Variants in OGDHL observed in about 807,000 individuals in gnomAD.
OGDHL encodes the protein oxoglutarate dehydrogenase L, also known as 2-oxoglutarate dehydrogenase-like, mitochondrial.
A neutral mutation model predicts 109.6 loss-of-function variants in OGDHL; 79 were observed. That is an observed-to-expected ratio of 0.72 (90% CI 0.60 to 0.87). OGDHL has a LOEUF of 0.87. Among genes scored for constraint, OGDHL ranks in the 40% least tolerant of loss-of-function variants. The pLI is 0.00. For synonymous variants in OGDHL, 528 were observed against 537.2 expected (o/e 0.98, Z 0.24); for missense variants, 1,275 against 1,362.2 (o/e 0.94, Z 1.01).
At chr10:49,754,054 A>C (rs1369145700) in intron 3 of OGDHL, among the ~76,000 whole-genome samples, 1 of 152,156 alleles carries the variant, frequency 6.6e-6, no homozygotes, top group Non-Finnish European at 1.5e-5. Flanking sequence ...CAAACCCCAA[A>C]TCCCACATTT....
Position 49,752,756 on chromosome 10 carries a change from A to C in OGDHL, c.376-16T>G. The C allele has an allele frequency of 6.2e-7, 1 of 1,600,818 alleles. No homozygotes were observed. Among genetic ancestry groups the C allele is most frequent in the Non-Finnish European group, 8.6e-7 (1 of 1,168,522 alleles). ...GACCCCGGATCTGGGAGGAGGGAAA[A>C]GAGCAGGGTGGGGCTGGGACCCAGC... is the stretch of plus-strand genomic sequence containing the variant. On this transcript the variant is annotated splice_polypyrimidine_tract_variant and intron_variant, in intron 3 of 22. Transcript: ENST00000374103.
At chr10:49,746,635 A>G (rs928974234) in intron 10 of OGDHL, 115 bp downstream of exon 10, 49 of 1,364,132 alleles carry the variant, frequency 3.6e-5, no homozygotes, top group Non-Finnish European at 4.7e-5. Flanking sequence ...CCTGCCTGGT[A>G]AGCAGCACAG....
At position 49,735,997 on chromosome 10, in the gene OGDHL, G is replaced by A. The variant is rs370905246; in HGVS notation, c.2909+26C>T. On this transcript the variant is annotated intron_variant, in intron 22 of 22. Coordinates refer to ENST00000374103, the MANE Select transcript of OGDHL (RefSeq NM_018245.3). ...GACAGAGCCTCAGGGCCGAGGTGAG[G>A]GGCAATCAGCGGCCCCACCATGTAC... The A allele has an allele frequency of 5.9e-5, 91 of 1,542,446 alleles. No individual in the cohort carries two copies. The Middle Eastern group carries it at 1.4e-3, about 24-fold the overall frequency.
At position 49,758,580 on chromosome 10, in the gene OGDHL, T is replaced by C; in HGVS notation, c.13A>G (p.Arg5Gly). 6.2e-7 allele frequency: 1 copy of C among 1,613,764 alleles called. No homozygotes were observed. The highest frequency in any genetic ancestry group is 1.1e-5 in the South Asian group (1 of 91,070). The change falls in exon 2 of 23, where the codon AGG becomes GGG. Residue 5 changes from arginine to glycine, a missense_variant. Physicochemically the swap from Arg to Gly is moderately radical, Grantham distance 125 (BLOSUM62 -2). Transcript: ENST00000374103. MSQLRLLPSRLGVQA... is the reference protein window; with the variant it reads MSQLGLLPSRLGVQA... Reference sequence around the variant, plus strand: ...ACCCCAAGACGGGACGGCAGCAGCCTCAGCTGACTCATTCTGGACACAGGC... The same window carrying C: ...ACCCCAAGACGGGACGGCAGCAGCCCCAGCTGACTCATTCTGGACACAGGC...
rs750819939 is a variant in OGDHL, at chr10:49,738,080, G to T, written c.2392-8C>A. The stretch of plus-strand genomic sequence containing the variant: ...GAAGTCCTTGGTGAATGCCTGTGGG[G>T]ACGAGATGCATATGGCCAGGGTGGC... On this transcript the variant is annotated splice_polypyrimidine_tract_variant and splice_region_variant and intron_variant, in intron 18 of 22. Coordinates refer to ENST00000374103, the MANE Select transcript of OGDHL (RefSeq NM_018245.3). The T allele has an allele frequency of 3.6e-5, 58 of 1,614,046 alleles. No individual in the cohort carries two copies. The highest frequency in any genetic ancestry group is 4.7e-5 in the Non-Finnish European group (56 of 1,180,024).
chr10:49,753,449 G>A (rs1175946920), intron 3 of OGDHL, among the ~76,000 whole-genome samples: 2 of 152,168 alleles, frequency 1.3e-5, no homozygotes, highest in Non-Finnish European at 2.9e-5. Context: ...AATTGAAAGT[G>A]AAATGAATCA....
chr10:49,747,230 T>C, intron 8 of OGDHL, 22 bp from the exon 9 acceptor site: 1 of 1,609,788 alleles, frequency 6.2e-7, no homozygotes, highest in Non-Finnish European at 8.5e-7. Context: ...GATGGGAACA[T>C]GATGGATCCT....
Position 49,740,807 on chromosome 10 carries a change from C to A in OGDHL, c.2043G>T (p.Glu681Asp), listed in dbSNP as rs762256975. ...SHRHHVLHDQ[E>D]VDRRTCVPMN... ...TAGGCACACACGTCCTGCGGTCAAC[C>A]TCCTGGTCATGGAGAACATGGTGCC... Residue 681 changes from glutamate to aspartate, a missense_variant, in exon 16 of 23, where the codon GAG (glutamate) becomes GAT (aspartate). Physicochemically the swap from Glu to Asp is conservative, Grantham distance 45. Transcript: ENST00000374103. The A allele has an allele frequency of 6.2e-7, 1 of 1,613,946 alleles. No individual in the cohort carries two copies. The highest frequency in any genetic ancestry group is 8.5e-7 in the Non-Finnish European group (1 of 1,179,846).
chr10:49,746,984 A>G (rs1187464553), intron 9 of OGDHL, 45 bp downstream of exon 9: 1 of 1,608,850 alleles, frequency 6.2e-7, no homozygotes, highest in Non-Finnish European at 8.5e-7. Context: ...CTCTGGGCCC[A>G]CCCTGAAGGG....
chr10:49,735,937 C>G (rs1353774092), intron 22 of OGDHL, 86 bp downstream of exon 22: 2 of 1,428,998 alleles, frequency 1.4e-6, no homozygotes, highest in Non-Finnish European at 1.9e-6. Flanking sequence ...AGGGCCAGTT[C>G]TGGGTAGCAT....
At chr10:49,748,965 T>G (rs774001250) in intron 8 of OGDHL, among the ~76,000 whole-genome samples, 5 of 152,074 alleles carry the variant, frequency 3.3e-5, no homozygotes, top group African/African-American at 4.8e-5. Flanking sequence ...TCCCAGCACT[T>G]TGGGAGGCCG....
intron 13 of OGDHL, 39 bp from the exon 14 acceptor site, chr10:49,744,161 G>T (rs1464647953): frequency 6.2e-7 from 1 of 1,608,026 alleles, no homozygotes; most frequent in Admixed American, 1.7e-5. Flanking sequence ...TGTGTCAGTG[G>T]TGGGTTCTGA....
intron 16 of OGDHL, among the ~76,000 whole-genome samples, chr10:49,740,387 A>C (rs1163645780): frequency 6.6e-6 from 1 of 152,042 alleles, no homozygotes; most frequent in Non-Finnish European, 1.5e-5. Flanking sequence ...CTGGGCCAAG[A>C]CTGGACTGCT....
chr10:49,762,217 G>C (rs1472091420), intron 1 of OGDHL, 22 bp downstream of exon 1: 2 of 152,542 alleles, frequency 1.3e-5, no homozygotes, highest in East Asian at 3.8e-4. Flanking sequence ...GGGACCGGGA[G>C]GGGGCGGGCC....
intron 6 of OGDHL, 107 bp downstream of exon 6, chr10:49,751,720 T>A: frequency 7.1e-7 from 1 of 1,411,202 alleles, no homozygotes; most frequent in South Asian, 1.3e-5. Flanking sequence ...GCCGATCCAG[T>A]CCTGCCTTCC....
intron 3 of OGDHL, among the ~76,000 whole-genome samples, chr10:49,754,086 T>C (rs58657783): frequency 0.012 from 1,866 of 152,158 alleles, 35 homozygotes; most frequent in African/African-American, 0.042. Context: ...GAAGCATCAG[T>C]ATAAACCCTT....
In OGDHL at chr10:49,739,796, G is replaced by C; in HGVS notation, c.2184C>G (p.Val728=). 3 of 1,614,146 alleles carry C rather than the reference G, an allele frequency of 1.9e-6. No individual in the cohort carries two copies. Among genetic ancestry groups the C allele is most frequent in the Non-Finnish European group, 2.5e-6 (3 of 1,179,978 alleles). ...AGTCCCCAAACTGGGCCTCCCAGAG[G>C]ACCAGGGCATTGGGGCTGGCCATGG... ...GYAMASPNAL[V]LWEAQFGDFH... The change falls in exon 17 of 23, where the codon GTC becomes GTG. Residue 728 remains valine (V), a synonymous_variant. Transcript: ENST00000374103.
At chr10:49,747,755 T>C (rs1842299134) in intron 8 of OGDHL, among the ~76,000 whole-genome samples, 1 of 152,124 alleles carries the variant, frequency 6.6e-6, no homozygotes, top group South Asian at 2.1e-4. Context: ...CAAATCAAGC[T>C]GAGAAAAATA....
At position 49,748,126 on chromosome 10, in the gene OGDHL, C is replaced by A. The variant is rs570792277; in HGVS notation, c.988-918G>T. ...TCAGTCCCACCCCCGTAGCTCCAGC[C>A]GCTGCACTGCTCGGACACCATCTAA... On this transcript the variant is annotated intron_variant, in intron 8 of 22. Transcript: ENST00000374103. Among the ~76,000 whole-genome samples, 4 of 152,178 alleles carry A rather than the reference C, an allele frequency of 2.6e-5. No homozygotes were observed. In the South Asian group the frequency reaches 8.3e-4, roughly 32 times the overall value.
Sources: gnomAD v4.1 joint callset for allele counts (sites outside exome capture counted in the v4.1 genomes callset) on GRCh38, gnomAD v4.1.1 for gene constraint, MANE v1.5 for transcripts, NCBI Gene and HGNC (gene_info 2026-07-23, HGNC 2026-07-21) for gene names.